Variants in IQGAP2 observed in about 807,000 individuals in gnomAD.
IQGAP2 encodes IQ motif containing GTPase activating protein 2.
A neutral mutation model predicts 201.3 loss-of-function variants in IQGAP2; 173 were observed. That is an observed-to-expected ratio of 0.86 (90% CI 0.76 to 0.98). IQGAP2 has a LOEUF of 0.98. IQGAP2 is among the 50% of genes least tolerant of loss of function. The pLI, the probability that IQGAP2 is intolerant of heterozygous loss-of-function variation, is 0.00. For synonymous variants in IQGAP2, 675 were observed against 673.9 expected (o/e 1.00, Z -0.03); for missense variants, 1,687 against 1,864.8 (o/e 0.90, Z 1.76).
At chr5:76,583,679 T>C (rs1410846518) in intron 5 of IQGAP2, among the ~76,000 whole-genome samples, 3 of 152,246 alleles carry the variant, frequency 2.0e-5, no homozygotes. Context: ...GATGTTTGTT[T>C]ATTGTAAGAT....
chr5:76,584,577 T>C (rs1746113322), intron 5 of IQGAP2, among the ~76,000 whole-genome samples: 1 of 105,780 alleles, frequency 9.5e-6, no homozygotes, highest in African/African-American at 3.7e-5. Context: ...AGCAGAACTA[T>C]ATGGCCCTTC....
intron 24 of IQGAP2, 109 bp downstream of exon 24, chr5:76,672,092 A>G: frequency 2.6e-6 from 2 of 784,274 alleles, no homozygotes; most frequent in East Asian, 2.7e-5. Context: ...AAAGTCAGTT[A>G]TCAATCCAAA....
chr5:76,451,558 T>C (rs1296301658), intron 1 of IQGAP2, among the ~76,000 whole-genome samples: 1 of 152,226 alleles, frequency 6.6e-6, no homozygotes, highest in African/African-American at 2.4e-5. Flanking sequence ...GCCTTTGAAC[T>C]TCTGTGATTT....
chr5:76,558,017 G>A (rs1267657078), intron 2 of IQGAP2, among the ~76,000 whole-genome samples: 1 of 151,950 alleles, frequency 6.6e-6, no homozygotes, highest in East Asian at 1.9e-4. Context: ...GTTGGCCAGG[G>A]TGGTCTTCAA....
intron 24 of IQGAP2, 150 bp from the exon 25 acceptor site, chr5:76,673,299 G>T (rs901010114): frequency 1.4e-6 from 1 of 692,680 alleles, no homozygotes. Flanking sequence ...TGTGAAGGTG[G>T]AGCCTCCCCT....
At chr5:76,676,646 G>A (rs1479039879) in intron 27 of IQGAP2, among the ~76,000 whole-genome samples, 2 of 152,144 alleles carry the variant, frequency 1.3e-5, no homozygotes. Context: ...CTGAGTCCTG[G>A]GACATGTTAT....
intron 2 of IQGAP2, among the ~76,000 whole-genome samples, chr5:76,514,779 G>T (rs2150186826): frequency 6.6e-6 from 1 of 152,284 alleles, no homozygotes; most frequent in Non-Finnish European, 1.5e-5. Context: ...TGGACTGTAG[G>T]TTACCTGATG....
intron 13 of IQGAP2, chr5:76,617,425 A>G (rs1687151617): frequency 1.6e-6 from 1 of 628,710 alleles, no homozygotes; most frequent in African/African-American, 1.8e-5. Flanking sequence ...CTCAGTCTCA[A>G]AAACAAACAA....
chr5:76,520,973 C>T (rs1758650209), intron 2 of IQGAP2, among the ~76,000 whole-genome samples: 1 of 151,936 alleles, frequency 6.6e-6, no homozygotes, highest in Admixed American at 6.6e-5. Flanking sequence ...TCCCAAAGTA[C>T]TGGGATTACA....
intron 24 of IQGAP2, among the ~76,000 whole-genome samples, chr5:76,672,359 A>C (rs912177357): frequency 1.3e-5 from 2 of 152,184 alleles, no homozygotes; most frequent in Non-Finnish European, 1.5e-5. Flanking sequence ...GGATTGGCTT[A>C]TTCTGGGTGG....
intron 1 of IQGAP2, among the ~76,000 whole-genome samples, chr5:76,406,906 T>C (rs1456838567): frequency 6.6e-6 from 1 of 152,254 alleles, no homozygotes; most frequent in Non-Finnish European, 1.5e-5. Context: ...TTGCTTCTTT[T>C]AAAAAGTGCA....
intron 1 of IQGAP2, among the ~76,000 whole-genome samples, chr5:76,426,374 A>G (rs1340341600): frequency 6.6e-6 from 1 of 152,182 alleles, no homozygotes. Flanking sequence ...CCCTGCCCAT[A>G]AGGATGGGTC....
intron 1 of IQGAP2, among the ~76,000 whole-genome samples, chr5:76,455,917 G>A (rs1439485540): frequency 6.6e-6 from 1 of 152,170 alleles, no homozygotes; most frequent in Non-Finnish European, 1.5e-5. Flanking sequence ...CTGAAGTTGT[G>A]TGTTGATTTA....
At chr5:76,636,963 A>G in intron 15 of IQGAP2, 71 bp from the exon 16 acceptor site, 1 of 1,230,900 alleles carries the variant, frequency 8.1e-7, no homozygotes, top group Non-Finnish European at 1.1e-6. Flanking sequence ...TATTTTACAT[A>G]TTAAAGAAAC....
intron 2 of IQGAP2, among the ~76,000 whole-genome samples, chr5:76,505,640 A>G (rs1049340227): frequency 2.0e-5 from 3 of 152,174 alleles, no homozygotes; most frequent in African/African-American, 7.2e-5. Context: ...CCTCTAAGTA[A>G]CATTCCAAGT....
chr5:76,609,272 G>C, intron 12 of IQGAP2: 20 of 1,529,334 alleles, frequency 1.3e-5, no homozygotes, highest in Non-Finnish European at 1.8e-5. Context: ...CCAGAGAATG[G>C]CACTAAATAT....
intron 17 of IQGAP2, among the ~76,000 whole-genome samples, chr5:76,648,468 CTGTT>C (rs1752257753): frequency 6.6e-6 from 1 of 152,204 alleles, no homozygotes; most frequent in Non-Finnish European, 1.5e-5. Flanking sequence ...AATCACTTGA[CTGTT>C]TGGATATTGC....
intron 16 of IQGAP2, among the ~76,000 whole-genome samples, chr5:76,639,498 T>A (rs1751398721): frequency 6.6e-6 from 1 of 152,190 alleles, no homozygotes; most frequent in African/African-American, 2.4e-5. Flanking sequence ...TTGCTTTGGA[T>A]TTAAAAACAA....
intron 13 of IQGAP2, among the ~76,000 whole-genome samples, chr5:76,621,471 T>C (rs1749664089): frequency 6.6e-6 from 1 of 152,234 alleles, no homozygotes. Context: ...AGTTCTTGCA[T>C]CTGACATCAC....
Sources: allele counts gnomAD v4.1 joint callset (sites outside exome capture counted in the v4.1 genomes callset), GRCh38; gene constraint gnomAD v4.1.1; transcripts MANE v1.5; gene names NCBI Gene and HGNC (gene_info 2026-07-23, HGNC 2026-07-21).